The following MYOF variants were observed in gnomAD, a reference collection of about 807,000 sequenced individuals.
The protein encoded by MYOF is fer-1-like 3, myoferlin.
MYOF carries 244 observed loss-of-function variants against 284.2 expected under a neutral mutation model. The observed-to-expected ratio is 0.86, with a 90% CI of 0.77 to 0.95. The LOEUF is 0.95. Among genes scored for constraint, MYOF ranks in the 40% least tolerant of loss-of-function variants. MYOF has a pLI of 0.00. For synonymous variants in MYOF, 904 were observed against 919.7 expected, an observed-to-expected ratio of 0.98 and a Z score of 0.31; for missense variants, 2,496 against 2,560.6, an observed-to-expected ratio of 0.97 and a Z score of 0.54.
chr10:93,373,751 A>G (rs1327684604), intron 23 of MYOF, among the ~76,000 whole-genome samples: 1 of 152,236 alleles, frequency 6.6e-6, no homozygotes, highest in Non-Finnish European at 1.5e-5. Flanking sequence ...TCTGAGAGAC[A>G]GGAGGAGTCG....
At chr10:93,478,994 C>CAG (rs1442422541) in intron 1 of MYOF, among the ~76,000 whole-genome samples, 1 of 151,996 alleles carries the variant, frequency 6.6e-6, no homozygotes, top group Non-Finnish European at 1.5e-5. Context: ...ACAATCACTT[C>CAG]CCCTGGCCAT....
intron 39 of MYOF, chr10:93,338,462 C>T (rs770866609): frequency 3.1e-5 from 14 of 456,834 alleles, no homozygotes; most frequent in Non-Finnish European, 4.0e-5. Flanking sequence ...GCATCAATTT[C>T]TTCATCCACT....
At chr10:93,441,975 T>C (rs948369680) in intron 3 of MYOF, among the ~76,000 whole-genome samples, 46 of 148,688 alleles carry the variant, frequency 3.1e-4, no homozygotes, top group African/African-American at 9.5e-4. Flanking sequence ...TTTCAAGTTT[T>C]AGCACCCTGG....
intron 39 of MYOF, chr10:93,338,442 A>T (rs1482630598): frequency 4.4e-6 from 2 of 456,770 alleles, no homozygotes. Flanking sequence ...AAGTTGTTTA[A>T]CATCTCTGAG....
At chr10:93,442,238 T>C (rs1203763539) in intron 3 of MYOF, among the ~76,000 whole-genome samples, 1 of 152,230 alleles carries the variant, frequency 6.6e-6, no homozygotes, top group Non-Finnish European at 1.5e-5. Flanking sequence ...TAAATGCGAT[T>C]GTAACTGAAA....
intron 3 of MYOF, among the ~76,000 whole-genome samples, chr10:93,440,459 A>T (rs1331534480): frequency 1.3e-5 from 2 of 151,902 alleles, no homozygotes; most frequent in East Asian, 3.9e-4. Flanking sequence ...CCCTATCTAA[A>T]CCAGCACCCA....
At chr10:93,386,673 G>C (rs1056431792) in intron 19 of MYOF, among the ~76,000 whole-genome samples, 2 of 152,226 alleles carry the variant, frequency 1.3e-5, no homozygotes, top group African/African-American at 4.8e-5. Flanking sequence ...GAGGAATCCA[G>C]AACAGACTGC....
intron 27 of MYOF, 43 bp from the exon 28 acceptor site, chr10:93,361,600 A>T (rs1845077430): frequency 6.3e-7 from 1 of 1,599,724 alleles, no homozygotes; most frequent in Non-Finnish European, 8.6e-7. Context: ...GGTAAGCCAT[A>T]GTGTCAGTAA....
At chr10:93,477,707 C>G (rs1041154954) in intron 1 of MYOF, among the ~76,000 whole-genome samples, 6 of 149,034 alleles carry the variant, frequency 4.0e-5, no homozygotes, top group Admixed American at 1.3e-4. Context: ...ATTAGCCGGG[C>G]GTGATGGCGG....
intron 36 of MYOF, 38 bp from the exon 37 acceptor site, chr10:93,347,820 A>G: frequency 6.3e-7 from 1 of 1,583,756 alleles, no homozygotes. Context: ...TCTCAAGACC[A>G]GACGAGGGCA....
chr10:93,435,038 A>G (rs1849057001), intron 3 of MYOF, among the ~76,000 whole-genome samples: 1 of 152,214 alleles, frequency 6.6e-6, no homozygotes, highest in Admixed American at 6.5e-5. Flanking sequence ...AAAACGTAAA[A>G]ACTAGAGGTT....
chr10:93,463,179 G>A (rs2056924205), intron 1 of MYOF, among the ~76,000 whole-genome samples: 1 of 152,100 alleles, frequency 6.6e-6, no homozygotes, highest in Non-Finnish European at 1.5e-5. Context: ...GAACTGAACA[G>A]CTCTCTTAGC....
rs555905052 is a variant in MYOF at position 93,414,932 on chromosome 10, C to T, written c.434-5193G>A. ...CTAATTTTTGTATTTTTAGTAGAGA[C>T]GGGGTTTCGCCATGTTGGCCAGGCT... On this transcript the variant is annotated intron_variant, in intron 5 of 53. Coordinates refer to ENST00000359263, the MANE Select transcript of MYOF (RefSeq NM_013451.4). 7.2e-5 allele frequency among the ~76,000 whole-genome samples: 11 copies of T among 152,088 alleles called. No homozygotes were observed. In the South Asian group the frequency reaches 1.9e-3, roughly 26 times the overall value.
In MYOF at chr10:93,340,184, G is replaced by C. The variant is rs199546728; in HGVS notation, c.4327-20C>G. ...TGTCAGCTGCTCGTGCACATGTCCC[G>C]TGAGGAAGAGGGCAAACCATATAAC... is the stretch of plus-strand genomic sequence containing the variant. On this transcript the variant is annotated intron_variant, in intron 38 of 53. Transcript: ENST00000359263. 5.9e-5 allele frequency: 96 copies of C among 1,613,774 alleles called. No individual in the cohort carries two copies. Among genetic ancestry groups the C allele is most frequent in the Non-Finnish European group, 7.7e-5 (91 of 1,179,848 alleles).
intron 1 of MYOF, among the ~76,000 whole-genome samples, chr10:93,462,095 CT>C (rs11378680): frequency 0.049 from 7,053 of 145,300 alleles, 212 homozygotes; most frequent in Non-Finnish European, 0.071. Flanking sequence ...AGCCCCCCAC[CT>C]TTTTTTTTTT....
chr10:93,460,495 G>A (rs950211711), intron 1 of MYOF, among the ~76,000 whole-genome samples: 7 of 152,250 alleles, frequency 4.6e-5, no homozygotes, highest in South Asian at 2.1e-4. Flanking sequence ...TGGACATGGC[G>A]GCTCACGCCT....
intron 29 of MYOF, 87 bp from the exon 30 acceptor site, chr10:93,356,935 A>T: frequency 7.7e-7 from 1 of 1,302,146 alleles, no homozygotes; most frequent in Non-Finnish European, 1.1e-6. Flanking sequence ...ATCAATCAAC[A>T]GATACACAGT....
intron 49 of MYOF, 143 bp downstream of exon 49, chr10:93,319,729 A>G: frequency 8.9e-7 from 1 of 1,117,940 alleles, no homozygotes; most frequent in Non-Finnish European, 1.3e-6. Flanking sequence ...GACAAGTGTC[A>G]AGGTGGCAGA....
At chr10:93,359,755 A>C (rs988993818) in intron 29 of MYOF, 78 bp downstream of exon 29, 1 of 1,576,698 alleles carries the variant, frequency 6.3e-7, no homozygotes, top group Non-Finnish European at 8.6e-7. Context: ...ATTTCTGCAG[A>C]AATGGCTAGT....
Sources: gnomAD v4.1 joint callset for allele counts (sites outside exome capture counted in the v4.1 genomes callset) on GRCh38, gnomAD v4.1.1 for gene constraint, MANE v1.5 for transcripts, NCBI Gene and HGNC (gene_info 2026-07-23, HGNC 2026-07-21) for gene names.